Variants in P2RY6 observed in about 807,000 individuals in gnomAD.
P2RY6 encodes the protein pyrimidinergic receptor P2Y6, also known as P2Y purinoceptor 6.
Under a neutral mutation model 16.3 loss-of-function variants are expected in P2RY6, and 19 were observed. The observed-to-expected ratio is 1.16, with a 90% CI of 0.81 to 1.71. The LOEUF is 1.71. P2RY6 is among the 40% of genes most tolerant of loss of function. The pLI, the probability that P2RY6 is intolerant of heterozygous loss-of-function variation, is 0.00. For missense variants in P2RY6, 389 were observed against 455.5 expected, an observed-to-expected ratio of 0.85 and a Z score of 1.33; for synonymous variants, 184 against 201.5, an observed-to-expected ratio of 0.91 and a Z score of 0.74.
intron 1 of P2RY6, among the ~76,000 whole-genome samples, chr11:73,276,752 C>A (rs1863554098): frequency 6.6e-6 from 1 of 152,146 alleles, no homozygotes; most frequent in South Asian, 2.1e-4. Context: ...GGATTTCTTT[C>A]TATGGTTATT....
upstream of P2RY6, chr11:73,271,432 C>G (rs888563418): frequency 1.3e-5 from 2 of 152,200 alleles, no homozygotes; most frequent in Non-Finnish European, 2.9e-5. Context: ...ACTTCTGTCC[C>G]TTTTAAGGGC....
chr11:73,280,631 C>T (rs1279116540), intron 1 of P2RY6, among the ~76,000 whole-genome samples: 2 of 152,202 alleles, frequency 1.3e-5, no homozygotes, highest in Non-Finnish European at 2.9e-5. Flanking sequence ...CTTGTCCCCA[C>T]TGAACACCTG....
intron 1 of P2RY6, among the ~76,000 whole-genome samples, chr11:73,290,453 A>G (rs192080997): frequency 6.6e-6 from 1 of 152,338 alleles, no homozygotes; most frequent in East Asian, 1.9e-4. Context: ...TGGGAGGCCA[A>G]AGAGGGAGGA....
intron 1 of P2RY6, among the ~76,000 whole-genome samples, chr11:73,276,368 A>C (rs34385073): frequency 0.2 from 30,039 of 152,164 alleles, 3,577 homozygotes; most frequent in African/African-American, 0.34. Flanking sequence ...GGTTCCATTC[A>C]AAGGTGTATA....
chr11:73,290,303 AAAAGAAAGAAAG>A (rs563446982), intron 1 of P2RY6, among the ~76,000 whole-genome samples: 5,874 of 112,826 alleles, frequency 0.052, 185 homozygotes, highest in South Asian at 0.081. Flanking sequence ...AGAAAGAAAG[AAAAGAAAGAAAG>A]AAAGAAAGAA....
In P2RY6 at chr11:73,296,233, A is replaced by ATATAT. The variant is rs1554992361; in HGVS notation, c.-34-252_-34-251insTATAT. Among the ~76,000 whole-genome samples, 477 of 124,434 alleles carry ATATAT rather than the reference A, an allele frequency of 3.8e-3. 2 individuals are homozygous for ATATAT. The highest frequency in any genetic ancestry group is 7.2e-3 in the African/African-American group (204 of 28,382). 81.6% of individuals were successfully genotyped at this position (124,434 alleles called of 152,430 possible). On this transcript the variant is annotated intron_variant, in intron 2 of 2. Transcript: ENST00000540124. ...CTAGGAAGGCTGAAGGAAAAAAAAAAATATATATATATATATATATATATA... is the reference window on the plus strand; with the variant it reads ...CTAGGAAGGCTGAAGGAAAAAAAAAATATATATATATATATATATATATATATATA...
Position 73,298,493 on chromosome 11 carries a change from A to T in P2RY6, c.*988A>T, listed in dbSNP as rs544147586. 6.0e-6 allele frequency: 1 copy of T among 167,210 alleles called. No individual in the cohort carries two copies. The highest frequency in any genetic ancestry group is 2.4e-5 in the African/African-American group (1 of 41,474). 10.4% of individuals were successfully genotyped at this position (167,210 alleles called of 1,614,324 possible). On this transcript the variant is annotated 3_prime_UTR_variant, in exon 3 of 3. Coordinates refer to ENST00000540124, the MANE Select transcript of P2RY6 (RefSeq NM_001277204.2). ...TTAGAAGAGGCAGGGGGCGAAGTGC[A>T]GTGGCTCATGCCTGTAATCTCAGCA... is the stretch of plus-strand genomic sequence containing the variant.
chr11:73,295,073 A>C (rs78028263), intron 1 of P2RY6, among the ~76,000 whole-genome samples: 241 of 152,292 alleles, frequency 1.6e-3, no homozygotes, highest in African/African-American at 5.7e-3. Context: ...GGAGGATTAG[A>C]TTCACTATCT....
At chr11:73,287,409 C>T (rs945751747) in intron 1 of P2RY6, among the ~76,000 whole-genome samples, 50 of 152,210 alleles carry the variant, frequency 3.3e-4, no homozygotes, top group African/African-American at 9.4e-4. Flanking sequence ...AGGCTTAGAT[C>T]ACAGACCCAT....
chr11:73,279,470 C>T (rs1863671838), intron 1 of P2RY6, among the ~76,000 whole-genome samples: 1 of 152,172 alleles, frequency 6.6e-6, no homozygotes, highest in South Asian at 2.1e-4. Context: ...GATACAAATG[C>T]AACTAGCTTA....
At chr11:73,267,733 G>A (rs189210173), upstream of P2RY6, among the ~76,000 whole-genome samples, 56 of 152,322 alleles carry the variant, frequency 3.7e-4, no homozygotes, top group African/African-American at 1.3e-3. Flanking sequence ...AGCAGGACTG[G>A]TAGCTGACTG....
At chr11:73,288,228 A>G (rs977687349) in intron 1 of P2RY6, among the ~76,000 whole-genome samples, 1 of 151,970 alleles carries the variant, frequency 6.6e-6, no homozygotes, top group Non-Finnish European at 1.5e-5. Context: ...TTGTGGGTGC[A>G]CTCTTCGGCA....
At chr11:73,295,644 A>T in intron 1 of P2RY6, 86 bp from the exon 2 acceptor site, 2 of 337,706 alleles carry the variant, frequency 5.9e-6, no homozygotes, top group Non-Finnish European at 8.4e-6. Flanking sequence ...CTGTGTTGTC[A>T]GAGGCTCTGC....
intron 1 of P2RY6, among the ~76,000 whole-genome samples, chr11:73,277,855 T>G (rs1476346033): frequency 6.6e-6 from 1 of 152,216 alleles, no homozygotes; most frequent in Non-Finnish European, 1.5e-5. Flanking sequence ...TCTACAGATA[T>G]CCTCGAAAAG....
upstream of P2RY6, among the ~76,000 whole-genome samples, chr11:73,267,616 G>A (rs1374228126): frequency 2.0e-5 from 3 of 152,154 alleles, no homozygotes; most frequent in Non-Finnish European, 2.9e-5. Flanking sequence ...GCCAGCAGGA[G>A]CAGCATCGTT....
rs1372480064 is a variant in P2RY6 at position 73,297,322 on chromosome 11, G to A, written c.804G>A (p.Thr268=). ...CAGCCTACCTGGCAGTGCGCTCGAC[G>A]CCGGGCGTCCCCTGCACTGTATTGG... ...TKTAYLAVRS[T]PGVPCTVLEA... The change falls in exon 3 of 3, where the codon ACG becomes ACA. Residue 268 remains threonine, a synonymous_variant. Coordinates refer to ENST00000540124, the MANE Select transcript of P2RY6 (RefSeq NM_001277204.2). The A allele has an allele frequency of 9.9e-6, 16 of 1,610,248 alleles. No individual in the cohort carries two copies. The highest frequency in any genetic ancestry group is 7.7e-5 in the South Asian group (7 of 91,070).
At chr11:73,280,124 G>A (rs1863698235) in intron 1 of P2RY6, among the ~76,000 whole-genome samples, 1 of 152,180 alleles carries the variant, frequency 6.6e-6, no homozygotes, top group African/African-American at 2.4e-5. Context: ...CCTGCCACCT[G>A]AAATCCTTCC....
chr11:73,268,050 C>G (rs1356690549), upstream of P2RY6, among the ~76,000 whole-genome samples: 1 of 152,250 alleles, frequency 6.6e-6, no homozygotes, highest in Non-Finnish European at 1.5e-5. Flanking sequence ...TGCGTGCCTG[C>G]CGTGGGTGGT....
chr11:73,289,640 C>T (rs1864115858), intron 1 of P2RY6, among the ~76,000 whole-genome samples: 1 of 152,246 alleles, frequency 6.6e-6, no homozygotes, highest in Admixed American at 6.5e-5. Flanking sequence ...GCTGGCTGTC[C>T]TCTGGCGCCA....
Sources: gnomAD v4.1 joint callset for allele counts (sites outside exome capture counted in the v4.1 genomes callset) on GRCh38, gnomAD v4.1.1 for gene constraint, MANE v1.5 for transcripts, NCBI Gene and HGNC (gene_info 2026-07-23, HGNC 2026-07-21) for gene names.